ACSM3: variants seen among roughly 807,000 people sequenced by gnomAD.
ACSM3 encodes the protein acyl-coenzyme A synthetase ACSM3, mitochondrial.
Under a neutral mutation model 74.1 loss-of-function variants are expected in ACSM3, and 61 were observed. The observed-to-expected ratio is 0.82, with a 90% CI of 0.67 to 1.02. The LOEUF (loss-of-function observed/expected upper bound fraction) is 1.02, where lower values mean the gene tolerates loss of function less well. Among genes scored for constraint, ACSM3 ranks in the 50% least tolerant of loss-of-function variants. The pLI is 0.00. For missense variants in ACSM3, 660 were observed against 697.0 expected (o/e 0.95, Z 0.60); for synonymous variants, 213 against 241.5 (o/e 0.88, Z 1.09).
intron 1 of ACSM3, chr16:20,733,983 T>C (rs111573937): frequency 3.3e-5 from 5 of 152,260 alleles, no homozygotes; most frequent in East Asian, 1.9e-4. Context: ...CATGCTCAAA[T>C]GTCAGTGAAA....
intron 1 of ACSM3, among the ~76,000 whole-genome samples, chr16:20,676,429 T>C (rs544075420): frequency 1.3e-5 from 2 of 152,250 alleles, no homozygotes; most frequent in Non-Finnish European, 2.9e-5. Flanking sequence ...GCATTTTGGT[T>C]GTACACTCTG....
intron 6 of ACSM3, 25 bp downstream of exon 6, chr16:20,781,155 A>G (rs1421982974): frequency 1.2e-6 from 2 of 1,612,376 alleles, no homozygotes; most frequent in East Asian, 4.5e-5. Context: ...AAAGAGGTCA[A>G]TATTTAGAAA....
intron 1 of ACSM3, among the ~76,000 whole-genome samples, chr16:20,701,237 G>A (rs773111262): frequency 1.5e-4 from 23 of 152,088 alleles, no homozygotes; most frequent in Non-Finnish European, 2.5e-4. Context: ...CTGCTTATAG[G>A]CTGTCTCTAT....
chr16:20,677,848 T>A (rs1234259873), intron 1 of ACSM3, among the ~76,000 whole-genome samples: 3 of 151,988 alleles, frequency 2.0e-5, no homozygotes, highest in Admixed American at 2.0e-4. Flanking sequence ...ACTTTCCATG[T>A]TCATGAGGCT....
At chr16:20,711,997 T>C (rs9935534) in intron 1 of ACSM3, among the ~76,000 whole-genome samples, 64,712 of 151,830 alleles carry the variant, frequency 0.43, 16,340 homozygotes, top group Non-Finnish European at 0.58. Flanking sequence ...TTGCACCTGC[T>C]GTTTCTTCTG....
rs780975938 is a variant in ACSM3, at chr16:20,781,014, A to G, written c.823A>G (p.Thr275Ala). The G allele has an allele frequency of 1.4e-5, 22 of 1,614,166 alleles. No homozygotes were observed. The highest frequency in any genetic ancestry group is 1.9e-5 in the Non-Finnish European group (22 of 1,180,032). ...DLTPSDVMWN[T>A]SDTGWAKSAW... ...GACACCCTCAGATGTGATGTGGAATACCTCAGATACGGGCTGGGCAAAGTC... is the reference window on the plus strand; with the variant it reads ...GACACCCTCAGATGTGATGTGGAATGCCTCAGATACGGGCTGGGCAAAGTC... The change falls in exon 6 of 14, where the codon ACC becomes GCC. Residue 275 changes from threonine (T) to alanine (A), a missense_variant. Transcript: ENST00000289416.
chr16:20,723,670 C>A (rs1403851400), intron 1 of ACSM3, among the ~76,000 whole-genome samples: 1 of 152,176 alleles, frequency 6.6e-6, no homozygotes, highest in Non-Finnish European at 1.5e-5. Context: ...TTTTTGGCTG[C>A]ATAAATGTCT....
At chr16:20,758,504 G>A (rs1466568963) in intron 3 of ACSM3, among the ~76,000 whole-genome samples, 1 of 151,832 alleles carries the variant, frequency 6.6e-6, no homozygotes, top group Non-Finnish European at 1.5e-5. Flanking sequence ...TTTTTATTGT[G>A]TCTATTTGAT....
chr16:20,704,345 A>G (rs2079721246), intron 1 of ACSM3, among the ~76,000 whole-genome samples: 1 of 152,212 alleles, frequency 6.6e-6, no homozygotes, highest in Admixed American at 6.5e-5. Context: ...GCTACTGCCC[A>G]GCCTCACGAA....
At chr16:20,694,096 A>G (rs1222778269) in intron 1 of ACSM3, among the ~76,000 whole-genome samples, 1 of 152,200 alleles carries the variant, frequency 6.6e-6, no homozygotes, top group African/African-American at 2.4e-5. Context: ...TGCTTATTTA[A>G]AAGTGTTTTA....
chr16:20,737,737 T>G (rs1232629833), intron 1 of ACSM3: 1 of 1,613,340 alleles, frequency 6.2e-7, no homozygotes. Flanking sequence ...TTCTTCTCTA[T>G]TCACATGACT....
intron 1 of ACSM3, among the ~76,000 whole-genome samples, chr16:20,693,108 T>G (rs1262182508): frequency 2.6e-5 from 4 of 151,092 alleles, no homozygotes; most frequent in Non-Finnish European, 5.9e-5. Flanking sequence ...AGTCGGAGGT[T>G]GCAGTGAGCC....
At chr16:20,738,174 C>A in intron 1 of ACSM3, 1 of 590,514 alleles carries the variant, frequency 1.7e-6, no homozygotes. Flanking sequence ...ATCATTATTA[C>A]TGCTTGCACT....
At chr16:20,771,541 A>G (rs146306992) in intron 2 of ACSM3, among the ~76,000 whole-genome samples, 3 of 152,170 alleles carry the variant, frequency 2.0e-5, no homozygotes, top group Non-Finnish European at 2.9e-5. Flanking sequence ...CCAAGTTCAT[A>G]CATGTTGCCA....
At position 20,797,432 on chromosome 16, in the gene ACSM3, C is replaced by G; in HGVS notation, c.*460C>G. The stretch of plus-strand genomic sequence containing the variant: ...ATAATCTCAAAGTACAAGAATCTAC[C>G]TGAAAATAGACTAGGGATTTTTATT... On this transcript the variant is annotated 3_prime_UTR_variant, in exon 14 of 14. Coordinates refer to ENST00000289416, the MANE Select transcript of ACSM3 (RefSeq NM_005622.4). 9.8e-7 allele frequency: 1 copy of G among 1,022,580 alleles called. No homozygotes were observed. Among genetic ancestry groups the G allele is most frequent in the Non-Finnish European group, 1.2e-6 (1 of 850,886 alleles). 63.3% of individuals were successfully genotyped at this position (1,022,580 alleles called of 1,614,324 possible).
Position 20,771,233 on chromosome 16 carries a change from G to T in ACSM3, c.219+980G>T, listed in dbSNP as rs1332055391. On this transcript the variant is annotated intron_variant, in intron 2 of 13. Coordinates refer to ENST00000289416, the MANE Select transcript of ACSM3 (RefSeq NM_005622.4). ...CCTGCCACCATGCCGGCTAATTTTTGTATTTTTAGTAGAGACAGGGTTTTG... is the reference window on the plus strand; with the variant it reads ...CCTGCCACCATGCCGGCTAATTTTTTTATTTTTAGTAGAGACAGGGTTTTG... 2.0e-5 allele frequency among the ~76,000 whole-genome samples: 3 copies of T among 152,128 alleles called. No individual in the cohort carries two copies. The East Asian group carries it at 5.8e-4, about 29-fold the overall frequency.
intron 1 of ACSM3, among the ~76,000 whole-genome samples, chr16:20,677,732 A>G (rs551379023): frequency 3.3e-5 from 5 of 152,326 alleles, no homozygotes; most frequent in African/African-American, 1.2e-4. Context: ...CTTTGCCTAC[A>G]GAAACTTCTG....
At chr16:20,681,678 C>A (rs1419116634) in intron 1 of ACSM3, 2 of 153,104 alleles carry the variant, frequency 1.3e-5, no homozygotes, top group African/African-American at 4.8e-5. Context: ...AATAGTGGTG[C>A]TTTCTATTAA....
chr16:20,740,260 G>A (rs2079905409), intron 1 of ACSM3, among the ~76,000 whole-genome samples: 1 of 152,198 alleles, frequency 6.6e-6, no homozygotes. Flanking sequence ...GTCGGGCATG[G>A]TGGCACATGC....
Sources: gnomAD v4.1 joint callset for allele counts (sites outside exome capture counted in the v4.1 genomes callset) on GRCh38, gnomAD v4.1.1 for gene constraint, MANE v1.5 for transcripts, NCBI Gene and HGNC (gene_info 2026-07-23, HGNC 2026-07-21) for gene names.